The following DCP1A variants were observed in gnomAD, a reference collection of about 807,000 sequenced individuals.
The protein encoded by DCP1A is decapping mRNA 1A.
DCP1A carries 20 observed loss-of-function variants against 58.0 expected under a neutral mutation model. That is an observed-to-expected ratio of 0.34 (90% CI 0.24 to 0.50). The LOEUF (loss-of-function observed/expected upper bound fraction) is 0.50. DCP1A is among the 20% of genes least tolerant of loss of function. The probability of loss-of-function intolerance (pLI) is 0.98; values close to 1 mark genes in which losing one functional copy is unlikely to be tolerated. For synonymous variants in DCP1A, 285 were observed against 275.1 expected (o/e 1.04, Z -0.36); for missense variants, 613 against 712.2 (o/e 0.86, Z 1.59).
chr3:53,294,299 G>A (rs1707040917), intron 6 of DCP1A, among the ~76,000 whole-genome samples: 1 of 152,208 alleles, frequency 6.6e-6, no homozygotes, highest in African/African-American at 2.4e-5. Context: ...TACTGGCAGA[G>A]AAGAGGATGA....
In DCP1A at chr3:53,336,687, G is replaced by T. The variant is rs75089810; in HGVS notation, c.304+5457C>A. On this transcript the variant is annotated intron_variant, in intron 3 of 9. Transcript: ENST00000610213. Reference sequence around the variant, plus strand: ...TCTACATTTGCTTCTGCCAGATGCCGTAGAGTAATCACCAGCTGATGATTA... The same window carrying T: ...TCTACATTTGCTTCTGCCAGATGCCTTAGAGTAATCACCAGCTGATGATTA... 8.8e-3 allele frequency among the ~76,000 whole-genome samples: 1,343 copies of T among 152,180 alleles called. 22 individuals are homozygous for T. The highest frequency in any genetic ancestry group is 0.031 in the African/African-American group (1,274 of 41,502).
chr3:53,344,982 A>C (rs782591189), intron 1 of DCP1A, 40 bp from the exon 2 acceptor site: 75 of 1,501,144 alleles, frequency 5.0e-5, no homozygotes, highest in Non-Finnish European at 5.6e-5. Context: ...TTTTCCCCAT[A>C]ATCAGACCCC....
intron 3 of DCP1A, among the ~76,000 whole-genome samples, chr3:53,326,914 C>T (rs149445322): frequency 1.1e-3 from 161 of 151,708 alleles, no homozygotes; most frequent in African/African-American, 3.6e-3. Flanking sequence ...TCCCTGGTGC[C>T]AAAAAGGTTG....
Position 53,342,233 on chromosome 3 carries a change from C to T in DCP1A, c.215G>A (p.Arg72Gln), listed in dbSNP as rs781893027. The change falls in exon 3 of 10, where the codon CGA (arginine) becomes CAA (glutamine). Residue 72 changes from arginine (R) to glutamine (Q), a missense_variant. This residue lies in a region of DCP1A where 65 missense variants were observed against 118.5 expected (regional missense o/e 0.55). Transcript: ENST00000610213. ...TTCAACTAGATTGTGCATATTTAGT[C>T]GATTCACAATGGTAAAACCATGGTA... ...SPYHGFTIVN[R>Q]LNMHNLVEPV... The T allele has an allele frequency of 1.2e-6, 2 of 1,602,554 alleles. No homozygotes were observed. Among genetic ancestry groups the T allele is most frequent in the East Asian group, 2.2e-5 (1 of 44,634 alleles).
intron 2 of DCP1A, among the ~76,000 whole-genome samples, chr3:53,344,613 A>C (rs559825301): frequency 1.3e-5 from 2 of 152,268 alleles, no homozygotes; most frequent in East Asian, 3.9e-4. Context: ...TTTCTTTCTA[A>C]TATGGGGGTA....
chr3:53,307,245 G>A (rs1342779317), intron 5 of DCP1A, among the ~76,000 whole-genome samples: 3 of 151,878 alleles, frequency 2.0e-5, no homozygotes, highest in Non-Finnish European at 4.4e-5. Flanking sequence ...CACCACACCC[G>A]GCCCCAGGCT....
Position 53,299,866 on chromosome 3 carries a change from T to C in DCP1A, c.624+4311A>G, listed in dbSNP as rs146503665. 4.9e-4 allele frequency among the ~76,000 whole-genome samples: 74 copies of C among 152,232 alleles called. 1 individual carries two copies. In the East Asian group the frequency reaches 0.011, roughly 23 times the overall value. On this transcript the variant is annotated intron_variant, in intron 6 of 9. Coordinates refer to ENST00000610213, the MANE Select transcript of DCP1A (RefSeq NM_018403.7). ...AATTTTGTCACTATAACCTAAATAA[T>C]GGAGTCTTCCTCCCACCCCGAGATG...
At chr3:53,309,356 C>T (rs182186903) in intron 5 of DCP1A, among the ~76,000 whole-genome samples, 39 of 141,448 alleles carry the variant, frequency 2.8e-4, no homozygotes, top group African/African-American at 7.8e-4. Context: ...GGCAACAGAG[C>T]GAGACTCCAT....
chr3:53,305,018 G>A (rs1396039477), intron 5 of DCP1A, among the ~76,000 whole-genome samples: 2 of 152,046 alleles, frequency 1.3e-5, no homozygotes, highest in Non-Finnish European at 2.9e-5. Context: ...CCCTTGTGCT[G>A]TCCTGTTGCA....
intron 2 of DCP1A, among the ~76,000 whole-genome samples, chr3:53,343,959 A>C (rs546122580): frequency 1.1e-4 from 17 of 152,298 alleles, no homozygotes; most frequent in Middle Eastern, 3.4e-3. Context: ...GGAACAAAGA[A>C]AGTGTCTAAG....
rs782652571 is a variant in DCP1A, at chr3:53,287,617, T to C, written c.1712A>G (p.Gln571Arg). ...FLSTLHEVYL[Q>R]VLTKNKDNHN... ...GTTGTCTTTGTTCTTGGTCAGAACCTGCAAGTAGACTTCATGAAGTGTACT... is the reference window on the plus strand; with the variant it reads ...GTTGTCTTTGTTCTTGGTCAGAACCCGCAAGTAGACTTCATGAAGTGTACT... The change falls in exon 10 of 10, where the codon CAG becomes CGG. Residue 571 changes from glutamine to arginine, a missense_variant. Gln to Arg is a conservative substitution (Grantham distance 43). Around this residue, in one of 3 missense-constraint regions of DCP1A, gnomAD observed 498 missense variants for 556.7 expected, o/e 0.89. Coordinates refer to ENST00000610213, the MANE Select transcript of DCP1A (RefSeq NM_018403.7). The C allele has an allele frequency of 1.9e-6, 3 of 1,612,510 alleles. No individual in the cohort carries two copies. Among genetic ancestry groups the C allele is most frequent in the Admixed American group, 3.3e-5 (2 of 59,996 alleles).
chr3:53,308,759 A>C (rs1443065670), intron 5 of DCP1A, among the ~76,000 whole-genome samples: 2 of 151,638 alleles, frequency 1.3e-5, no homozygotes, highest in Non-Finnish European at 2.9e-5. Context: ...ATGCCTAACT[A>C]ATTAAAAAAA....
intron 2 of DCP1A, among the ~76,000 whole-genome samples, chr3:53,342,957 G>C (rs571391569): frequency 6.6e-6 from 1 of 152,156 alleles, no homozygotes; most frequent in Non-Finnish European, 1.5e-5. Context: ...TGTTTTTCTT[G>C]CAACAAATAG....
intron 3 of DCP1A, 25 bp downstream of exon 3, chr3:53,342,119 A>C: frequency 1.9e-6 from 3 of 1,562,652 alleles, no homozygotes; most frequent in Non-Finnish European, 2.6e-6. Flanking sequence ...AAATGTAATA[A>C]CTATAATAAA....
At chr3:53,331,149 G>A (rs1156967589) in intron 3 of DCP1A, among the ~76,000 whole-genome samples, 3 of 152,128 alleles carry the variant, frequency 2.0e-5, no homozygotes, top group Non-Finnish European at 4.4e-5. Flanking sequence ...GAGTCACTGC[G>A]CCTGGCCCAA....
At chr3:53,337,267 G>C (rs1344846559) in intron 3 of DCP1A, among the ~76,000 whole-genome samples, 6 of 152,168 alleles carry the variant, frequency 3.9e-5, no homozygotes, top group Admixed American at 3.9e-4. Context: ...CTTGTAAAGA[G>C]ACACAAAGAG....
At chr3:53,341,765 C>T (rs1239553235) in intron 3 of DCP1A, among the ~76,000 whole-genome samples, 4 of 152,030 alleles carry the variant, frequency 2.6e-5, no homozygotes, top group Admixed American at 6.6e-5. Flanking sequence ...AGTACAGTGG[C>T]GCGATCTCAG....
chr3:53,326,910 G>A (rs1406199446), intron 3 of DCP1A, among the ~76,000 whole-genome samples: 1 of 151,894 alleles, frequency 6.6e-6, no homozygotes, highest in Non-Finnish European at 1.5e-5. Context: ...CCGGTCCCTG[G>A]TGCCAAAAAG....
intron 4 of DCP1A, among the ~76,000 whole-genome samples, chr3:53,315,133 A>G (rs1380909760): frequency 1.3e-5 from 2 of 152,212 alleles, no homozygotes; most frequent in East Asian, 3.8e-4. Flanking sequence ...TTCAAACACC[A>G]AAACCTACCC....
Sources: allele counts gnomAD v4.1 joint callset (sites outside exome capture counted in the v4.1 genomes callset), GRCh38; gene constraint gnomAD v4.1.1; regional missense constraint gnomAD v4.1.1; transcripts MANE v1.5; gene names NCBI Gene and HGNC (gene_info 2026-07-23, HGNC 2026-07-21).